The following ITPK1 variants were observed in gnomAD, a reference collection of about 807,000 sequenced individuals.
The protein encoded by ITPK1 is inositol 1,3,4-trisphosphate 5/6-kinase.
ITPK1 carries 21 observed loss-of-function variants against 45.3 expected under a neutral mutation model. The ratio of observed to expected loss-of-function variants is 0.46; its 90% CI spans 0.33 to 0.67. ITPK1 has a LOEUF of 0.67. ITPK1 is among the 30% of genes least tolerant of loss of function. The pLI, the probability that ITPK1 is intolerant of heterozygous loss-of-function variation, is 0.02. For missense variants in ITPK1, 474 were observed against 573.5 expected (o/e 0.83, Z 1.77); for synonymous variants, 258 against 253.6 (o/e 1.02, Z -0.16).
chr14:93,099,757 C>T (rs1595215822), intron 2 of ITPK1, among the ~76,000 whole-genome samples: 1 of 152,202 alleles, frequency 6.6e-6, no homozygotes, highest in South Asian at 2.1e-4. Context: ...AGCACTCCCA[C>T]CCAGCTGCCT....
chr14:92,946,144 C>T (rs768411841), intron 10 of ITPK1, among the ~76,000 whole-genome samples, 187 bp downstream of exon 10: 7 of 152,148 alleles, frequency 4.6e-5, no homozygotes, highest in Non-Finnish European at 1.0e-4. Context: ...GCTCTCCCTC[C>T]CTCCTCGCAC....
intron 4 of ITPK1, among the ~76,000 whole-genome samples, chr14:93,005,024 G>C (rs1887544231): frequency 6.6e-6 from 1 of 152,198 alleles, no homozygotes; most frequent in Admixed American, 6.5e-5. Context: ...AGACGGACCA[G>C]CTGAGGAGTT....
chr14:93,066,983 T>A (rs1201773181), intron 3 of ITPK1, among the ~76,000 whole-genome samples: 1 of 152,142 alleles, frequency 6.6e-6, no homozygotes, highest in Non-Finnish European at 1.5e-5. Flanking sequence ...AGGAATCCAG[T>A]GTTTGCATCC....
In ITPK1 at chr14:92,938,605, C is replaced by T. The variant is rs371296846; in HGVS notation, c.*2956G>A. The T allele has an allele frequency of 9.1e-6, 11 of 1,213,894 alleles. No homozygotes were observed. The highest frequency in any genetic ancestry group is 1.3e-5 in the Non-Finnish European group (11 of 827,602). 75.2% of individuals were successfully genotyped at this position (1,213,894 alleles called of 1,614,324 possible). A position where few individuals can be genotyped will look rare whatever the true frequency, so the allele number is the denominator to read the frequency against. The stretch of plus-strand genomic sequence containing the variant: ...CATGAGACACAGGCAGGCCCAGGCA[C>T]AGGAAGCCCCATGGAACCTGCCAGG... On this transcript the variant is annotated 3_prime_UTR_variant, in exon 11 of 11. Transcript: ENST00000267615.
intron 8 of ITPK1, among the ~76,000 whole-genome samples, chr14:92,956,152 T>TA (rs1884711821): frequency 6.6e-6 from 1 of 151,634 alleles, no homozygotes. Context: ...GGCAAGGTCT[T>TA]ACTGTCACCC....
In ITPK1 at chr14:92,957,517, G is replaced by A. The variant is rs772011009; in HGVS notation, c.670+684C>T. Among the ~76,000 whole-genome samples the A allele has an allele frequency of 3.8e-4, 58 of 152,316 alleles. 1 individual carries two copies. Among genetic ancestry groups the A allele is most frequent in the Non-Finnish European group, 1.8e-4 (12 of 68,030 alleles). ...GCTGGCGGAAGGAAGGCCCCTCAGCGCAGTGGGGTCCACAGGCTGCTCCCT... is the reference window on the plus strand; with the variant it reads ...GCTGGCGGAAGGAAGGCCCCTCAGCACAGTGGGGTCCACAGGCTGCTCCCT... On this transcript the variant is annotated intron_variant, in intron 8 of 10. Coordinates refer to ENST00000267615, the MANE Select transcript of ITPK1 (RefSeq NM_014216.6).
At chr14:93,037,169 A>G (rs1889360994) in intron 3 of ITPK1, among the ~76,000 whole-genome samples, 1 of 152,124 alleles carries the variant, frequency 6.6e-6, no homozygotes, top group South Asian at 2.1e-4. Flanking sequence ...AACCACAGCA[A>G]TTCTCCCTGC....
chr14:93,105,148 C>CA (rs1324170482), intron 2 of ITPK1, among the ~76,000 whole-genome samples: 1 of 152,162 alleles, frequency 6.6e-6, no homozygotes, highest in East Asian at 1.9e-4. Flanking sequence ...CTCCCTCCTG[C>CA]ATGAGGGGGC....
intron 3 of ITPK1, among the ~76,000 whole-genome samples, chr14:93,054,871 C>A (rs1890157029): frequency 6.6e-6 from 1 of 152,150 alleles, no homozygotes; most frequent in Non-Finnish European, 1.5e-5. Flanking sequence ...AAAGGAAGGA[C>A]ATGCCATAAG....
intron 5 of ITPK1, among the ~76,000 whole-genome samples, chr14:92,981,309 A>G (rs1226733516): frequency 1.3e-5 from 2 of 152,174 alleles, no homozygotes; most frequent in African/African-American, 2.4e-5. Context: ...GCATAGGCTA[A>G]GCAGAAACTG....
chr14:93,055,083 T>C (rs1312033892), intron 3 of ITPK1, among the ~76,000 whole-genome samples: 3 of 152,330 alleles, frequency 2.0e-5, no homozygotes, highest in Admixed American at 1.3e-4. Context: ...AATACGCCTC[T>C]GCACCTGGCA....
Position 93,063,140 on chromosome 14 carries a change from G to C in ITPK1, c.120+13455C>G, listed in dbSNP as rs1412760719. Reference sequence around the variant, plus strand: ...CTTGGCCATTAGCTCAGTCCCAAAGGCATCCTTGCCCATCCCGGCTGCCGA... The same window carrying C: ...CTTGGCCATTAGCTCAGTCCCAAAGCCATCCTTGCCCATCCCGGCTGCCGA... On this transcript the variant is annotated intron_variant, in intron 3 of 10. Coordinates refer to ENST00000267615, the MANE Select transcript of ITPK1 (RefSeq NM_014216.6). This position sits in a 1 kb window ranked among gnomAD's most constrained non-coding sequence, Gnocchi z 4.3. Among the ~76,000 whole-genome samples the C allele has an allele frequency of 1.3e-5, 2 of 152,160 alleles. No individual in the cohort carries two copies. Among genetic ancestry groups the C allele is most frequent in the Non-Finnish European group, 2.9e-5 (2 of 68,042 alleles).
intron 2 of ITPK1, among the ~76,000 whole-genome samples, chr14:93,082,406 G>A (rs1374009810): frequency 6.6e-6 from 1 of 152,182 alleles, no homozygotes; most frequent in Non-Finnish European, 1.5e-5. Context: ...AGCGGAAGAG[G>A]TGGGTGAGCC....
At chr14:93,000,234 T>TA (rs1887270437) in intron 4 of ITPK1, among the ~76,000 whole-genome samples, 2 of 152,216 alleles carry the variant, frequency 1.3e-5, no homozygotes, top group South Asian at 2.1e-4. Context: ...TGTGTCAACA[T>TA]ACGTTTTCAC....
intron 4 of ITPK1, among the ~76,000 whole-genome samples, chr14:92,994,473 A>G (rs947908640): frequency 2.6e-5 from 4 of 152,168 alleles, no homozygotes; most frequent in African/African-American, 9.7e-5. Context: ...CAAGTACTCC[A>G]CTTCTGTACC....
intron 5 of ITPK1, among the ~76,000 whole-genome samples, chr14:92,980,501 G>A (rs1566713116): frequency 6.6e-6 from 1 of 152,044 alleles, no homozygotes; most frequent in Non-Finnish European, 1.5e-5. Context: ...GTGATAACTT[G>A]GCCTTTCTTA....
rs979583459 is a variant in ITPK1 at position 93,014,901 on chromosome 14, G to A, written c.246+1775C>T. The stretch of plus-strand genomic sequence containing the variant: ...GTAATCAGGCATCTGGAAGGCCATC[G>A]TCCCCCAGATGGACTCAGCAAGAGA... On this transcript the variant is annotated intron_variant, in intron 4 of 10. Transcript: ENST00000267615. This position sits in a 1 kb window ranked among gnomAD's most constrained non-coding sequence, Gnocchi z 4.4. Among the ~76,000 whole-genome samples, 4 of 152,220 alleles carry A rather than the reference G, an allele frequency of 2.6e-5. No individual in the cohort carries two copies. Among genetic ancestry groups the A allele is most frequent in the Non-Finnish European group, 5.9e-5 (4 of 68,042 alleles).
At chr14:92,982,928 G>A (rs118112151) in intron 5 of ITPK1, among the ~76,000 whole-genome samples, 1 of 152,332 alleles carries the variant, frequency 6.6e-6, no homozygotes, top group East Asian at 1.9e-4. Context: ...GCTACCTGGT[G>A]ACAGGCAAGC....
intron 5 of ITPK1, among the ~76,000 whole-genome samples, chr14:92,963,587 C>A (rs1323644395): frequency 6.6e-6 from 1 of 152,224 alleles, no homozygotes; most frequent in Non-Finnish European, 1.5e-5. Flanking sequence ...GGTCCCCCTG[C>A]CAATTCCTCC....
Sources: gnomAD v4.1 joint callset for allele counts (sites outside exome capture counted in the v4.1 genomes callset) on GRCh38, gnomAD v4.1.1 for gene constraint, Gnocchi (gnomAD v3.1) non-coding constraint, MANE v1.5 for transcripts, NCBI Gene and HGNC (gene_info 2026-07-23, HGNC 2026-07-21) for gene names.